Variants in GRM8 observed in about 807,000 individuals in gnomAD.
The protein encoded by GRM8 is metabotropic glutamate receptor 8.
A neutral mutation model predicts 87.2 loss-of-function variants in GRM8; 47 were observed. The observed-to-expected ratio is 0.54, with a 90% CI of 0.43 to 0.69. The LOEUF (loss-of-function observed/expected upper bound fraction) is 0.69, where lower values mean the gene tolerates loss of function less well. Among genes scored for constraint, GRM8 ranks in the 30% least tolerant of loss-of-function variants. The probability of loss-of-function intolerance (pLI) is 0.00; values close to 1 mark genes in which losing one functional copy is unlikely to be tolerated. For synonymous variants in GRM8, 396 were observed against 404.5 expected (o/e 0.98, Z 0.25); for missense variants, 1,019 against 1,139.2 (o/e 0.89, Z 1.52).
intron 3 of GRM8, among the ~76,000 whole-genome samples, chr7:127,073,762 C>A (rs1259788048): frequency 6.6e-6 from 1 of 152,158 alleles, no homozygotes; most frequent in East Asian, 1.9e-4. Flanking sequence ...CGAAGAGAGA[C>A]CCAGCCCCAG....
intron 6 of GRM8, among the ~76,000 whole-genome samples, chr7:126,877,394 A>C (rs1799614831): frequency 6.6e-6 from 1 of 152,214 alleles, no homozygotes; most frequent in Non-Finnish European, 1.5e-5. Flanking sequence ...ATGTATACTA[A>C]TTAAAATTAA....
chr7:126,894,070 C>T (rs896664524), intron 6 of GRM8, among the ~76,000 whole-genome samples: 1 of 152,000 alleles, frequency 6.6e-6, no homozygotes, highest in Non-Finnish European at 1.5e-5. Context: ...CTGTATTTAT[C>T]TGCTTTGTAT....
At chr7:127,099,103 A>G (rs958102546) in intron 3 of GRM8, among the ~76,000 whole-genome samples, 2 of 152,228 alleles carry the variant, frequency 1.3e-5, no homozygotes, top group Admixed American at 1.3e-4. Context: ...TAAAGACTAA[A>G]GGAAGTCATT....
chr7:126,723,835 A>C lies in GRM8; in HGVS notation c.1357+46030T>G, dbSNP rs529659329. Among the ~76,000 whole-genome samples the C allele has an allele frequency of 2.0e-5, 3 of 152,306 alleles. No individual in the cohort carries two copies. The South Asian group carries it at 6.2e-4, about 32-fold the overall frequency. On this transcript the variant is annotated intron_variant, in intron 7 of 10. Coordinates refer to ENST00000339582, the MANE Select transcript of GRM8 (RefSeq NM_000845.3). ...CACTCTGGGCAGTGGGTGAAAAGTA[A>C]GAATGTTGAAGAATTTTAGGTCAAG...
chr7:126,518,607 A>G (rs1380670903), intron 9 of GRM8, among the ~76,000 whole-genome samples: 2 of 152,064 alleles, frequency 1.3e-5, no homozygotes, highest in African/African-American at 4.8e-5. Context: ...GTATCATGCT[A>G]TGTTGATGTG....
At chr7:126,575,192 C>T (rs921591507) in intron 8 of GRM8, among the ~76,000 whole-genome samples, 3 of 151,418 alleles carry the variant, frequency 2.0e-5, no homozygotes, top group Non-Finnish European at 2.9e-5. Flanking sequence ...CCTGTCAGAT[C>T]GGCACAGGCA....
chr7:126,714,123 C>T (rs955676821), intron 7 of GRM8, among the ~76,000 whole-genome samples: 20 of 149,532 alleles, frequency 1.3e-4, no homozygotes, highest in Admixed American at 1.1e-3. Flanking sequence ...AAAAAAAATA[C>T]AAAAATTAGC....
chr7:126,611,500 T>C (rs1798908089), intron 7 of GRM8, among the ~76,000 whole-genome samples: 1 of 152,250 alleles, frequency 6.6e-6, no homozygotes, highest in Non-Finnish European at 1.5e-5. Context: ...GAAATTCAAA[T>C]GAGGAAGATA....
chr7:127,093,173 C>T (rs1824321144), intron 3 of GRM8, among the ~76,000 whole-genome samples: 1 of 152,098 alleles, frequency 6.6e-6, no homozygotes, highest in South Asian at 2.1e-4. Flanking sequence ...TAGGCTTAGG[C>T]AAAATTCCTG....
chr7:126,653,907 T>C (rs1171096545), intron 7 of GRM8, among the ~76,000 whole-genome samples: 2 of 152,140 alleles, frequency 1.3e-5, no homozygotes, highest in East Asian at 1.9e-4. Context: ...TTTCAAATAA[T>C]AGAAAAGATA....
intron 7 of GRM8, among the ~76,000 whole-genome samples, chr7:126,645,483 T>G (rs895533183): frequency 6.6e-6 from 1 of 152,126 alleles, no homozygotes; most frequent in Non-Finnish European, 1.5e-5. Flanking sequence ...CCTAGCCCCC[T>G]GCCCACCAAA....
chr7:126,758,529 A>G (rs1817253209), intron 7 of GRM8, among the ~76,000 whole-genome samples: 1 of 152,190 alleles, frequency 6.6e-6, no homozygotes, highest in South Asian at 2.1e-4. Flanking sequence ...GAAAGAGGAC[A>G]AGAGGAGAGA....
chr7:126,971,639 G>C (rs1455754544), intron 3 of GRM8, among the ~76,000 whole-genome samples: 2 of 152,114 alleles, frequency 1.3e-5, no homozygotes, highest in Non-Finnish European at 2.9e-5. Flanking sequence ...GAATCTTCTA[G>C]GAGGGCTATG....
intron 3 of GRM8, among the ~76,000 whole-genome samples, chr7:127,015,119 AAGAAGG>A (rs371929161): frequency 1.8e-4 from 26 of 142,004 alleles, no homozygotes; most frequent in South Asian, 7.4e-4. Context: ...GAAGAAGGAG[AAGAAGG>A]AGAAGGAGAA....
At chr7:126,721,092 C>A (rs1052745591) in intron 7 of GRM8, among the ~76,000 whole-genome samples, 1 of 152,180 alleles carries the variant, frequency 6.6e-6, no homozygotes, top group Non-Finnish European at 1.5e-5. Flanking sequence ...ATAGGATATA[C>A]CTGTCTTTAA....
chr7:126,926,995 A>G (rs11496163), intron 3 of GRM8, among the ~76,000 whole-genome samples: 30,760 of 152,246 alleles, frequency 0.2, 4,319 homozygotes, highest in East Asian at 0.65. Flanking sequence ...AGTGTCTTGC[A>G]GAGTGTGAAC....
chr7:126,982,826 G>GTTTTTTTCC (rs1811671561), intron 3 of GRM8, among the ~76,000 whole-genome samples: 1 of 152,058 alleles, frequency 6.6e-6, no homozygotes, highest in Non-Finnish European at 1.5e-5. Context: ...GCAGGTCATG[G>GTTTTTTTCC]TTTTTTTCCT....
chr7:126,536,421 T>A (rs1584983466), intron 8 of GRM8, among the ~76,000 whole-genome samples: 1 of 152,130 alleles, frequency 6.6e-6, no homozygotes, highest in Non-Finnish European at 1.5e-5. Flanking sequence ...ATTTCAGATA[T>A]CCTCCCTTGA....
At chr7:127,194,541 G>A (rs546738651) in intron 2 of GRM8, among the ~76,000 whole-genome samples, 9 of 152,162 alleles carry the variant, frequency 5.9e-5, no homozygotes, top group Admixed American at 1.3e-4. Context: ...GGTACCTTGC[G>A]GATCCTAGGG....
Sources: allele counts gnomAD v4.1 joint callset (sites outside exome capture counted in the v4.1 genomes callset), GRCh38; gene constraint gnomAD v4.1.1; transcripts MANE v1.5; gene names NCBI Gene and HGNC (gene_info 2026-07-23, HGNC 2026-07-21).